The following COQ10A variants were observed in gnomAD, a reference collection of about 807,000 sequenced individuals.
COQ10A encodes coenzyme Q10A.
A neutral mutation model predicts 26.1 loss-of-function variants in COQ10A; 25 were observed. The ratio of observed to expected loss-of-function variants is 0.96; its 90% confidence interval spans 0.70 to 1.34. The LOEUF is 1.34. Among genes scored for constraint, COQ10A ranks in the 40% most tolerant of loss-of-function variants. The pLI, the probability that COQ10A is intolerant of heterozygous loss-of-function variation, is 0.00. For synonymous variants in COQ10A, 132 were observed against 124.0 expected (o/e 1.06, Z -0.43); for missense variants, 312 against 335.4 (o/e 0.93, Z 0.54).
rs1262137834 is a variant in COQ10A at position 56,270,582 on chromosome 12, TAGAATA to T, written c.*268_*273del. On this transcript the variant is annotated 3_prime_UTR_variant, in exon 5 of 5. Coordinates refer to ENST00000308197, the MANE Select transcript of COQ10A (RefSeq NM_144576.4). ...TGCCTGCAGCCTTTTCACTACGAAT[TAGAATA>T]AGGACTATGTGGTTGTCTCTGGACC... is the stretch of plus-strand genomic sequence containing the variant. 1.2e-5 allele frequency: 5 copies of T among 405,446 alleles called. No homozygotes were observed. The highest frequency in any genetic ancestry group is 2.2e-5 in the Non-Finnish European group (5 of 224,222). 25.1% of individuals were successfully genotyped at this position (405,446 alleles called of 1,614,324 possible).
chr12:56,267,064 A>G lies in COQ10A; in HGVS notation c.-55A>G. 1.6e-6 allele frequency: 2 copies of G among 1,247,136 alleles called. No homozygotes were observed. The highest frequency in any genetic ancestry group is 1.0e-6 in the Non-Finnish European group (1 of 996,230). The allele number at this position is 1,247,136 out of a possible 1,614,324, so 77.3% of individuals were successfully genotyped here. The stretch of plus-strand genomic sequence containing the variant: ...CTGCCTCTTGCCGCTCCGCCTTTGG[A>G]GTGAGGAGGGCGCAGCCCGCGTCAG... On this transcript the variant is annotated 5_prime_UTR_variant, in exon 1 of 5. Coordinates refer to ENST00000308197, the MANE Select transcript of COQ10A (RefSeq NM_144576.4).
chr12:56,269,754 A>G, intron 4 of COQ10A, 193 bp downstream of exon 4: 1 of 560,112 alleles, frequency 1.8e-6, no homozygotes, highest in South Asian at 2.0e-5. Context: ...CAGCCTCCCA[A>G]GTAGCTGGGA....
rs781373394 is a variant in COQ10A, at chr12:56,267,308, C to T, written c.134+56C>T. ...GGGGGTCGCTGCGAACCCCGGGGTTCCGCGGTGGAGGGGTGCTATACTGGG... is the reference window on the plus strand; with the variant it reads ...GGGGGTCGCTGCGAACCCCGGGGTTTCGCGGTGGAGGGGTGCTATACTGGG... On this transcript the variant is annotated intron_variant, in intron 1 of 4. Transcript: ENST00000308197. The T allele has an allele frequency of 2.3e-4, 364 of 1,599,144 alleles. 1 individual carries two copies. The highest frequency in any genetic ancestry group is 3.0e-4 in the Non-Finnish European group (353 of 1,169,916).
At chr12:56,269,650 T>C in intron 4 of COQ10A, 89 bp downstream of exon 4, 1 of 973,180 alleles carries the variant, frequency 1.0e-6, no homozygotes, top group East Asian at 2.4e-5. Context: ...TTATTTGAGA[T>C]GGAGTCTTGC....
chr12:56,267,431 G>T, intron 1 of COQ10A, 179 bp downstream of exon 1: 1 of 1,613,962 alleles, frequency 6.2e-7, no homozygotes, highest in Non-Finnish European at 8.5e-7. Flanking sequence ...GGAAGTTCTC[G>T]GGGTGAGTGT....
At chr12:56,269,631 G>A in intron 4 of COQ10A, 70 bp downstream of exon 4, 1 of 1,099,464 alleles carries the variant, frequency 9.1e-7, no homozygotes, top group Non-Finnish European at 1.4e-6. Context: ...CTGTGACAGG[G>A]TTATTAATTT....
chr12:56,268,372 T>C (rs111903036), intron 2 of COQ10A: 6,891 of 178,556 alleles, frequency 0.039, 524 homozygotes, highest in African/African-American at 0.16. Context: ...TCCCAGCTAT[T>C]TGGGAGGCTG....
intron 4 of COQ10A, 100 bp downstream of exon 4, chr12:56,269,661 T>C: frequency 2.2e-6 from 2 of 901,712 alleles, no homozygotes; most frequent in South Asian, 1.3e-5. Flanking sequence ...GGAGTCTTGC[T>C]CCGTCACCCA....
At chr12:56,268,284 A>G (rs1872409568) in intron 2 of COQ10A, 1 of 245,314 alleles carries the variant, frequency 4.1e-6, no homozygotes, top group Non-Finnish European at 8.1e-6. Context: ...CAGCCTGGCC[A>G]ACATGGTGAA....
Position 56,269,082 on chromosome 12 carries a change from A to C in COQ10A, c.305A>C (p.Glu102Ala), listed in dbSNP as rs1304140949. The stretch of plus-strand genomic sequence containing the variant: ...AGGTACTCAATGCAGGAGATGTATG[A>C]GGTGGTGTCCAACGTCCAGGAGTAT... ...IMGYSMQEMY[E>A]VVSNVQEYRE... The change falls in exon 3 of 5, where the codon GAG becomes GCG. Residue 102 changes from glutamate (E) to alanine (A), a missense_variant. Transcript: ENST00000308197. 2 of 1,613,876 alleles carry C rather than the reference A, an allele frequency of 1.2e-6. No individual in the cohort carries two copies. Among genetic ancestry groups the C allele is most frequent in the South Asian group, 2.2e-5 (2 of 91,064 alleles).
intron 2 of COQ10A, 172 bp downstream of exon 2, chr12:56,268,112 C>A: frequency 1.2e-6 from 1 of 838,162 alleles, no homozygotes. Context: ...ACCTTAATTT[C>A]TCCCTTCTTG....
intron 4 of COQ10A, chr12:56,269,813 G>A (rs1872456357): frequency 1.9e-6 from 1 of 521,694 alleles, no homozygotes; most frequent in Non-Finnish European, 3.4e-6. Context: ...TTTTAGTAGA[G>A]ACGGGGTTTC....
In COQ10A at chr12:56,267,263, G is replaced by A. The variant is rs756731620; in HGVS notation, c.134+11G>A. 3.8e-6 allele frequency: 6 copies of A among 1,559,228 alleles called. No individual in the cohort carries two copies. Among genetic ancestry groups the A allele is most frequent in the Non-Finnish European group, 4.3e-6 (5 of 1,150,750 alleles). On this transcript the variant is annotated intron_variant, in intron 1 of 4. Coordinates refer to ENST00000308197, the MANE Select transcript of COQ10A (RefSeq NM_144576.4). ...GCCGCGACCAATGAGGTGAGAGGGA[G>A]GTGACCGCGGCTGAGGGCAGGGGGT...
At position 56,269,751 on chromosome 12, in the gene COQ10A, C is replaced by A; in HGVS notation, c.576+190C>A. On this transcript the variant is annotated intron_variant, in intron 4 of 4. Coordinates refer to ENST00000308197, the MANE Select transcript of COQ10A (RefSeq NM_144576.4). ...CAAGCGATTTTCCTGCCTCAGCCTC[C>A]CAAGTAGCTGGGATTACAGGAGCCT... 7.1e-6 allele frequency: 4 copies of A among 562,464 alleles called. No individual in the cohort carries two copies. In the African/African-American group the frequency reaches 7.5e-5, roughly 11 times the overall value. The allele number at this position is 562,464 out of a possible 1,614,324, so 34.8% of individuals were successfully genotyped here.
At position 56,270,309 on chromosome 12, in the gene COQ10A, C is replaced by T; in HGVS notation, c.736C>T (p.Gln246Ter). ...PRELMFHEVH[Q>*]T ...TGAACTGATGTTCCATGAGGTGCAC[C>T]AGACTTGAGGCAAGGGATTGCTCCC... is the stretch of plus-strand genomic sequence containing the variant. Residue 246 changes from glutamine (Q) to a stop codon, truncating the protein, a stop_gained, in exon 5 of 5, where the codon CAG becomes TAG. Transcript: ENST00000308197. LOFTEE classifies it high-confidence loss of function. 6.2e-7 allele frequency: 1 copy of T among 1,613,742 alleles called. No homozygotes were observed. Among genetic ancestry groups the T allele is most frequent in the East Asian group, 2.2e-5 (1 of 44,868 alleles).
chr12:56,267,602 T>C (rs1399057282), intron 1 of COQ10A, 192 bp from the exon 2 acceptor site: 1 of 1,148,244 alleles, frequency 8.7e-7, no homozygotes, highest in Non-Finnish European at 1.3e-6. Flanking sequence ...CCCAGCCCTG[T>C]CCTTAGCTGC....
At position 56,269,021 on chromosome 12, in the gene COQ10A, G is replaced by C. The variant is rs373553224; in HGVS notation, c.282-38G>C. The stretch of plus-strand genomic sequence containing the variant: ...CTATAGCAAGGAGGAACCTGACCCA[G>C]CTGGCAGCTCCTTGGCCTGTGATTC... On this transcript the variant is annotated intron_variant, in intron 2 of 4. Transcript: ENST00000308197. 2.5e-6 allele frequency: 4 copies of C among 1,592,496 alleles called. No individual in the cohort carries two copies. In the African/African-American group the frequency reaches 4.0e-5, roughly 16 times the overall value.
intron 2 of COQ10A, chr12:56,268,763 C>T (rs1404338738): frequency 3.3e-6 from 1 of 302,266 alleles, no homozygotes; most frequent in Non-Finnish European, 6.2e-6. Context: ...GAGCTGGGAT[C>T]TGATCCTTGT....
Position 56,267,012 on chromosome 12 carries a change from C to T in COQ10A, c.-107C>T. The T allele has an allele frequency of 8.7e-7, 1 of 1,145,930 alleles. No homozygotes were observed. The highest frequency in any genetic ancestry group is 1.1e-6 in the Non-Finnish European group (1 of 919,962). The allele number at this position is 1,145,930 out of a possible 1,614,324, so 71.0% of individuals were successfully genotyped here. On this transcript the variant is annotated 5_prime_UTR_variant, in exon 1 of 5. Coordinates refer to ENST00000308197, the MANE Select transcript of COQ10A (RefSeq NM_144576.4). ...GCTGCCGCCTCCCGTCGCCCCTGCGCTCAGAGGTCCCGAACCAGCCCAGCC... is the reference window on the plus strand; with the variant it reads ...GCTGCCGCCTCCCGTCGCCCCTGCGTTCAGAGGTCCCGAACCAGCCCAGCC...
Sources: gnomAD v4.1 joint callset for allele counts on GRCh38, gnomAD v4.1.1 for gene constraint, MANE v1.5 for transcripts, NCBI Gene and HGNC (gene_info 2026-07-23, HGNC 2026-07-21) for gene names.